The following CLIP1 variants were observed in gnomAD, a reference collection of about 807,000 sequenced individuals.
CLIP1 encodes CAP-Gly domain containing linker protein 1.
In CLIP1, 66 loss-of-function variants were observed where a neutral mutation model predicts 161.6. The observed-to-expected ratio is 0.41, with a 90% CI of 0.33 to 0.50. The LOEUF is 0.50. Ranked by LOEUF, CLIP1 falls within the 20% of genes least tolerant of loss-of-function variation. The probability of loss-of-function intolerance (pLI) is 0.27; values close to 1 mark genes in which losing one functional copy is unlikely to be tolerated. For missense variants in CLIP1, 1,376 were observed against 1,702.0 expected, an observed-to-expected ratio of 0.81 and a Z score of 3.37; for synonymous variants, 598 against 626.2, an observed-to-expected ratio of 0.96 and a Z score of 0.67.
chr12:122,385,871 T>G (rs1403041294), intron 1 of CLIP1, among the ~76,000 whole-genome samples: 1 of 152,092 alleles, frequency 6.6e-6, no homozygotes, highest in Non-Finnish European at 1.5e-5. Context: ...GCCATCCAAG[T>G]TTTAGCATAA....
intron 1 of CLIP1, among the ~76,000 whole-genome samples, chr12:122,403,837 T>C (rs1446588403): frequency 6.6e-6 from 1 of 152,090 alleles, no homozygotes; most frequent in African/African-American, 2.4e-5. Context: ...GCTGTTTCAT[T>C]GGCCCATATT....
At chr12:122,399,759 C>A (rs997559310) in intron 1 of CLIP1, 1 of 152,144 alleles carries the variant, frequency 6.6e-6, no homozygotes, top group African/African-American at 2.4e-5. Flanking sequence ...AAATTCAGCA[C>A]CAGGCGGGTG....
At chr12:122,401,649 T>C (rs115334514) in intron 1 of CLIP1, among the ~76,000 whole-genome samples, 1,937 of 151,384 alleles carry the variant, frequency 0.013, 43 homozygotes, top group African/African-American at 0.039. Context: ...AGAAAGTAGG[T>C]CAATGAAGCT....
intron 3 of CLIP1, among the ~76,000 whole-genome samples, chr12:122,369,881 G>A (rs1954349412): frequency 6.6e-6 from 1 of 151,754 alleles, no homozygotes; most frequent in African/African-American, 2.4e-5. Flanking sequence ...CAGCAAAGGG[G>A]GCCAGGCATG....
intron 3 of CLIP1, 131 bp from the exon 4 acceptor site, chr12:122,364,238 T>A: frequency 9.2e-7 from 1 of 1,085,400 alleles, no homozygotes; most frequent in Non-Finnish European, 1.3e-6. Flanking sequence ...AGCTTCTCTT[T>A]GACTCTAAGA....
At chr12:122,357,322 C>T (rs1234187139) in intron 5 of CLIP1, among the ~76,000 whole-genome samples, 11 of 152,000 alleles carry the variant, frequency 7.2e-5, no homozygotes, top group African/African-American at 1.9e-4. Context: ...CGTCTCTGCC[C>T]GGCCGCCCCG....
chr12:122,349,766 G>C (rs1410779484), intron 9 of CLIP1, among the ~76,000 whole-genome samples: 1 of 152,254 alleles, frequency 6.6e-6, no homozygotes, highest in African/African-American at 2.4e-5. Flanking sequence ...ATCCCATGCA[G>C]ACTGACACCG....
At chr12:122,328,200 C>T (rs886539046) in intron 16 of CLIP1, 38 bp from the exon 17 acceptor site, 4 of 1,613,138 alleles carry the variant, frequency 2.5e-6, no homozygotes, top group East Asian at 2.2e-5. Flanking sequence ...GTCATCTGCC[C>T]ATGCGTGTAC....
chr12:122,344,911 T>C (rs1395490263), intron 10 of CLIP1, among the ~76,000 whole-genome samples: 1 of 152,166 alleles, frequency 6.6e-6, no homozygotes, highest in African/African-American at 2.4e-5. Flanking sequence ...ACAGAAGACA[T>C]ACTTCGTTAT....
rs373349040 is a variant in CLIP1, at chr12:122,328,292, T to C, written c.3002A>G (p.Lys1001Arg). 1.2e-6 allele frequency: 2 copies of C among 1,614,062 alleles called. No homozygotes were observed. Among genetic ancestry groups the C allele is most frequent in the African/African-American group, 2.7e-5 (2 of 74,938 alleles). ...QEAAKKHEEEKKELERKLSDL... is the reference protein window; with the variant it reads ...QEAAKKHEEERKELERKLSDL... ...CGACAATTTCCTCTCCAATTCTTTC[T>C]TTTCTTCCTCATGCTTTTTAGCTGC... Residue 1001 changes from lysine to arginine, a missense_variant, in exon 16 of 26, where the codon AAG becomes AGG. Physicochemically the swap from Lys to Arg is conservative, Grantham distance 26 (BLOSUM62 2). Transcript: ENST00000620786.
chr12:122,278,367 T>C lies in CLIP1; in HGVS notation c.3917-164A>G. 4 of 681,124 alleles carry C rather than the reference T, an allele frequency of 5.9e-6. No individual in the cohort carries two copies. In the East Asian group the frequency reaches 7.8e-5, roughly 13 times the overall value. The allele number at this position is 681,124 out of a possible 1,614,324, so 42.2% of individuals were successfully genotyped here. ...CACATGTGGATGAGTTTGTGTCCCC[T>C]TGCGGGACCCTACAGGGTCTCACAG... On this transcript the variant is annotated intron_variant, in intron 23 of 25. Transcript: ENST00000620786.
At chr12:122,295,910 T>C (rs940827005) in intron 20 of CLIP1, among the ~76,000 whole-genome samples, 1 of 152,228 alleles carries the variant, frequency 6.6e-6, no homozygotes, top group South Asian at 2.1e-4. Context: ...GATAGTAGTA[T>C]AGTTTCTCCA....
chr12:122,310,424 T>C (rs568820614), intron 19 of CLIP1, among the ~76,000 whole-genome samples: 9 of 152,348 alleles, frequency 5.9e-5, no homozygotes, highest in African/African-American at 2.2e-4. Context: ...AGAGGCGGAA[T>C]GCCCCAAGGA....
chr12:122,391,849 A>G (rs2136981108), intron 1 of CLIP1, among the ~76,000 whole-genome samples: 1 of 152,338 alleles, frequency 6.6e-6, no homozygotes, highest in Non-Finnish European at 1.5e-5. Flanking sequence ...TGAATGCACC[A>G]CCACCAGTCC....
chr12:122,353,884 G>A (rs564803801), intron 7 of CLIP1, among the ~76,000 whole-genome samples: 28 of 151,970 alleles, frequency 1.8e-4, no homozygotes, highest in Middle Eastern at 3.4e-3. Context: ...ACCCGCCTCA[G>A]CCTCCCAAAG....
intron 1 of CLIP1, among the ~76,000 whole-genome samples, chr12:122,388,067 C>A (rs964165462): frequency 4.6e-5 from 7 of 152,114 alleles, no homozygotes; most frequent in Non-Finnish European, 8.8e-5. Context: ...CAAGAGTCAA[C>A]TATACATAAA....
chr12:122,370,359 G>A (rs116244590), intron 3 of CLIP1, among the ~76,000 whole-genome samples: 2,883 of 152,212 alleles, frequency 0.019, 76 homozygotes, highest in African/African-American at 0.062. Flanking sequence ...TTTAGATCAC[G>A]ATGTGTTGGT....
chr12:122,354,370 G>T, intron 7 of CLIP1, 83 bp downstream of exon 7: 1 of 997,010 alleles, frequency 1.0e-6, no homozygotes, highest in Non-Finnish European at 1.6e-6. Context: ...ACTGCAGCCT[G>T]GGCAACAGAG....
upstream of CLIP1, chr12:122,422,721 C>CCCGGCCGG (rs576719946): frequency 3.6e-5 from 5 of 137,612 alleles, no homozygotes; most frequent in South Asian, 2.3e-4. Flanking sequence ...GCCGCGCCCG[C>CCCGGCCGG]CCGGCCGGCC....
Sources: gnomAD v4.1 joint callset for allele counts (sites outside exome capture counted in the v4.1 genomes callset) on GRCh38, gnomAD v4.1.1 for gene constraint, MANE v1.5 for transcripts, NCBI Gene and HGNC (gene_info 2026-07-23, HGNC 2026-07-21) for gene names.